The following PRKG2 variants were observed in gnomAD, a reference collection of about 807,000 sequenced individuals.
PRKG2 encodes protein kinase cGMP-dependent 2, also known as cGMP-dependent protein kinase 2.
PRKG2 carries 33 observed loss-of-function variants against 97.2 expected under a neutral mutation model. That is an observed-to-expected ratio of 0.34 (90% CI 0.26 to 0.45). The LOEUF (loss-of-function observed/expected upper bound fraction) is 0.45, where lower values mean the gene tolerates loss of function less well. Ranked by LOEUF, PRKG2 falls within the 20% of genes least tolerant of loss-of-function variation. PRKG2 has a pLI of 1.00. For missense variants in PRKG2, 638 were observed against 900.0 expected, an observed-to-expected ratio of 0.71 and a Z score of 3.73; for synonymous variants, 330 against 321.8, an observed-to-expected ratio of 1.03 and a Z score of -0.27.
intron 14 of PRKG2, among the ~76,000 whole-genome samples, chr4:81,123,822 G>C (rs1379055423): frequency 6.6e-6 from 1 of 151,826 alleles, no homozygotes; most frequent in Non-Finnish European, 1.5e-5. Context: ...GATTATTTTT[G>C]GATTTTCTGT....
At chr4:81,185,075 C>A (rs1254276905) in intron 2 of PRKG2, among the ~76,000 whole-genome samples, 1 of 152,180 alleles carries the variant, frequency 6.6e-6, no homozygotes, top group African/African-American at 2.4e-5. Context: ...TCCAGGAGAA[C>A]TTCCCCAACC....
chr4:81,167,271 A>G (rs1281223158), intron 5 of PRKG2, 47 bp from the exon 6 acceptor site: 3 of 1,216,356 alleles, frequency 2.5e-6, no homozygotes, highest in Non-Finnish European at 3.5e-6. Flanking sequence ...GAATTAAACT[A>G]TAAATATACA....
At chr4:81,161,167 G>A (rs180793951) in intron 6 of PRKG2, among the ~76,000 whole-genome samples, 18 of 152,050 alleles carry the variant, frequency 1.2e-4, no homozygotes, top group South Asian at 4.2e-4. Context: ...ACAAACATGC[G>A]TTTTATTTTC....
chr4:81,190,197 C>T (rs1268019037), intron 2 of PRKG2, among the ~76,000 whole-genome samples: 3 of 152,112 alleles, frequency 2.0e-5, no homozygotes, highest in African/African-American at 7.2e-5. Flanking sequence ...GCTATAGTAA[C>T]CAAAACAGCA....
chr4:81,135,275 G>A lies in PRKG2; in HGVS notation c.1656C>T (p.Thr552=), dbSNP rs780181222. 9 of 1,612,466 alleles carry A rather than the reference G, an allele frequency of 5.6e-6. No homozygotes were observed. Among genetic ancestry groups the A allele is most frequent in the Non-Finnish European group, 5.9e-6 (7 of 1,179,248 alleles). The change falls in exon 14 of 19, where the codon ACC becomes ACT. Residue 552 remains threonine, a synonymous_variant. Coordinates refer to ENST00000264399, the MANE Select transcript of PRKG2 (RefSeq NM_006259.3). The stretch of plus-strand genomic sequence containing the variant: ...TCACACAAGCAACGCAGAATTTGGA[G>A]GTGGGTTCATCAAAGCTGCCTCTGC... ...LRDRGSFDEP[T]SKFCVACVTE...
intron 14 of PRKG2, among the ~76,000 whole-genome samples, chr4:81,125,628 CA>C (rs1340807274): frequency 6.6e-6 from 1 of 151,980 alleles, no homozygotes; most frequent in African/African-American, 2.4e-5. Context: ...GGGTAAATAC[CA>C]AAAAAGTGGA....
chr4:81,212,312 G>C (rs534567629), intron 1 of PRKG2, among the ~76,000 whole-genome samples: 1 of 132,192 alleles, frequency 7.6e-6, no homozygotes, highest in Non-Finnish European at 1.5e-5. Context: ...CAGAATGTTC[G>C]CGGTGAATTT....
intron 14 of PRKG2, among the ~76,000 whole-genome samples, chr4:81,122,613 T>C (rs921692735): frequency 6.6e-6 from 1 of 152,050 alleles, no homozygotes; most frequent in African/African-American, 2.4e-5. Flanking sequence ...ATTTAGGCCT[T>C]TTTTTTCCTG....
At chr4:81,143,640 C>G (rs984183369) in intron 10 of PRKG2, among the ~76,000 whole-genome samples, 1 of 152,054 alleles carries the variant, frequency 6.6e-6, no homozygotes, top group African/African-American at 2.4e-5. Context: ...TAATTTAATT[C>G]AAATTTAAGT....
At chr4:81,111,333 T>C (rs1220897862) in intron 14 of PRKG2, among the ~76,000 whole-genome samples, 1 of 152,200 alleles carries the variant, frequency 6.6e-6, no homozygotes, top group African/African-American at 2.4e-5. Context: ...GGCTTTCTGC[T>C]AGGCCTATAG....
At chr4:81,155,289 G>C (rs1748942798) in intron 6 of PRKG2, among the ~76,000 whole-genome samples, 2 of 151,848 alleles carry the variant, frequency 1.3e-5, no homozygotes, top group African/African-American at 2.4e-5. Context: ...GAATGCAGAA[G>C]CCTCAGGAGC....
At chr4:81,189,537 C>T (rs1185211997) in intron 2 of PRKG2, among the ~76,000 whole-genome samples, 1 of 149,784 alleles carries the variant, frequency 6.7e-6, no homozygotes, top group Admixed American at 6.6e-5. Context: ...CGCGTATTCT[C>T]ACTCATAGGT....
At chr4:81,094,205 TG>T (rs548758695) in intron 17 of PRKG2, among the ~76,000 whole-genome samples, 22 of 152,288 alleles carry the variant, frequency 1.4e-4, no homozygotes, top group African/African-American at 5.1e-4. Context: ...GAGACATGAC[TG>T]GTGCCTAGTT....
chr4:81,187,787 G>A (rs1050520669), intron 2 of PRKG2, among the ~76,000 whole-genome samples: 6 of 152,228 alleles, frequency 3.9e-5, no homozygotes, highest in East Asian at 1.9e-4. Flanking sequence ...CTAAATCAAT[G>A]TGCAAAAATC....
rs1178026469 is a variant in PRKG2 at position 81,188,209 on chromosome 4, G to A, written c.462-13250C>T. Among the ~76,000 whole-genome samples, 681 of 149,218 alleles carry A rather than the reference G, an allele frequency of 4.6e-3. 7 individuals are homozygous for A. Among genetic ancestry groups the A allele is most frequent in the African/African-American group, 0.017 (640 of 38,702 alleles). ...CAAACAACCCCATCAAACAGTGGGT[G>A]AAGGACATGAACAGACACTTCTCAA... On this transcript the variant is annotated intron_variant, in intron 2 of 18. Coordinates refer to ENST00000264399, the MANE Select transcript of PRKG2 (RefSeq NM_006259.3).
chr4:81,110,773 AGACG>A (rs1440888320), intron 14 of PRKG2, among the ~76,000 whole-genome samples, 162 bp from the exon 15 acceptor site: 1 of 120,312 alleles, frequency 8.3e-6, no homozygotes, highest in East Asian at 5.4e-4. Flanking sequence ...AGAGACAGAC[AGACG>A]GACAGACAGA....
chr4:81,207,737 A>C (rs1368701377), intron 1 of PRKG2, among the ~76,000 whole-genome samples: 2 of 152,234 alleles, frequency 1.3e-5, no homozygotes, highest in East Asian at 3.8e-4. Flanking sequence ...GTAAAATGAG[A>C]GTAACTAACT....
At chr4:81,126,319 TACTGCTGCAATAA>T (rs1162819056) in intron 14 of PRKG2, among the ~76,000 whole-genome samples, 1 of 152,236 alleles carries the variant, frequency 6.6e-6, no homozygotes, top group Non-Finnish European at 1.5e-5. Flanking sequence ...CTATTGTGAA[TACTGCTGCAATAA>T]ACATACATGT....
At chr4:81,090,930 A>G (rs1741472442) in intron 18 of PRKG2, among the ~76,000 whole-genome samples, 1 of 152,240 alleles carries the variant, frequency 6.6e-6, no homozygotes, top group South Asian at 2.1e-4. Context: ...TGTTTATTTA[A>G]TAATTACCAT....
Sources: gnomAD v4.1 joint callset for allele counts (sites outside exome capture counted in the v4.1 genomes callset) on GRCh38, gnomAD v4.1.1 for gene constraint, MANE v1.5 for transcripts, NCBI Gene and HGNC (gene_info 2026-07-23, HGNC 2026-07-21) for gene names.